Variants in PPP2R3C observed in about 807,000 individuals in gnomAD.
PPP2R3C encodes serine/threonine-protein phosphatase 2A regulatory subunit B'' subunit gamma.
In PPP2R3C, 47 loss-of-function variants were observed where a neutral mutation model predicts 63.7. The ratio of observed to expected loss-of-function variants is 0.74; its 90% CI spans 0.58 to 0.94. The LOEUF is 0.94. PPP2R3C is among the 40% of genes least tolerant of loss of function. The pLI is 0.00. For missense variants in PPP2R3C, 421 were observed against 518.4 expected, an observed-to-expected ratio of 0.81 and a Z score of 1.82; for synonymous variants, 180 against 177.4, an observed-to-expected ratio of 1.01 and a Z score of -0.12.
intron 1 of PPP2R3C, among the ~76,000 whole-genome samples, chr14:35,120,069 G>C (rs2046820622): frequency 1.3e-5 from 2 of 150,884 alleles, no homozygotes; most frequent in African/African-American, 4.9e-5. Context: ...TCAGTCTCCT[G>C]ACCTCGTGAT....
At chr14:35,114,258 G>T (rs2046644408) in intron 2 of PPP2R3C, among the ~76,000 whole-genome samples, 1 of 152,168 alleles carries the variant, frequency 6.6e-6, no homozygotes, top group Non-Finnish European at 1.5e-5. Flanking sequence ...GGGTGATGTT[G>T]TCATGGGAAG....
intron 2 of PPP2R3C, 86 bp from the exon 3 acceptor site, chr14:35,110,715 G>A: frequency 1.2e-6 from 1 of 812,960 alleles, no homozygotes; most frequent in Non-Finnish European, 2.0e-6. Flanking sequence ...ATAACTGTAT[G>A]CCACCGCCTC....
chr14:35,121,191 A>G (rs141607170), intron 1 of PPP2R3C, among the ~76,000 whole-genome samples: 61 of 152,262 alleles, frequency 4.0e-4, no homozygotes, highest in African/African-American at 1.3e-3. Flanking sequence ...AGCCTGGCCA[A>G]TATGGCGAAA....
chr14:35,113,584 A>G (rs763110967), intron 2 of PPP2R3C, among the ~76,000 whole-genome samples: 20 of 152,144 alleles, frequency 1.3e-4, no homozygotes, highest in Non-Finnish European at 2.5e-4. Flanking sequence ...CCACTATGGC[A>G]CTCTTTTCAT....
At position 35,096,584 on chromosome 14, in the gene PPP2R3C, G is replaced by C; in HGVS notation, c.812C>G (p.Ser271Cys). Reference protein sequence around the residue: ...SKESQETNWFSAPSALRVYGQ... With the variant: ...SKESQETNWFCAPSALRVYGQ... Reference sequence around the variant, plus strand: ...ATAAACTCTTAGGGCAGAAGGAGCAGAAAACCAATTTGTTTCTTGACTCTC... The same window carrying C: ...ATAAACTCTTAGGGCAGAAGGAGCACAAAACCAATTTGTTTCTTGACTCTC... Residue 271 changes from serine (S) to cysteine (C), a missense_variant, in exon 9 of 13, where the codon TCT (serine) becomes TGT (cysteine). Physicochemically the swap from Ser to Cys is moderately radical, Grantham distance 112. Transcript: ENST00000261475. The C allele has an allele frequency of 2.5e-6, 4 of 1,613,740 alleles. No individual in the cohort carries two copies. Among genetic ancestry groups the C allele is most frequent in the Non-Finnish European group, 3.4e-6 (4 of 1,179,804 alleles).
chr14:35,102,129 C>T (rs1008903238), intron 6 of PPP2R3C: 4 of 150,710 alleles, frequency 2.7e-5, no homozygotes, highest in Middle Eastern at 3.4e-3. Context: ...TGGGTTCAAG[C>T]GATTCTTGTG....
Position 35,121,842 on chromosome 14 carries a change from C to T in PPP2R3C, c.58+60G>A. 3 of 1,582,462 alleles carry T rather than the reference C, an allele frequency of 1.9e-6. No homozygotes were observed. In the South Asian group the frequency reaches 3.3e-5, roughly 18 times the overall value. On this transcript the variant is annotated intron_variant, in intron 1 of 12. Transcript: ENST00000261475. ...CCCTTGCTCCTCCTCCCCACCTCCCCCCTACCTCTAGGAGTTTAGGGCCGG... is the reference window on the plus strand; with the variant it reads ...CCCTTGCTCCTCCTCCCCACCTCCCTCCTACCTCTAGGAGTTTAGGGCCGG...
At chr14:35,093,045 C>T (rs1245237233) in intron 10 of PPP2R3C, among the ~76,000 whole-genome samples, 1 of 147,558 alleles carries the variant, frequency 6.8e-6, no homozygotes, top group African/African-American at 2.5e-5. Context: ...TCCGTCTCTA[C>T]TAAAAATACA....
chr14:35,109,804 T>C lies in PPP2R3C; in HGVS notation c.404+15A>G. 6.5e-7 allele frequency: 1 copy of C among 1,528,874 alleles called. No individual in the cohort carries two copies. Among genetic ancestry groups the C allele is most frequent in the Non-Finnish European group, 9.0e-7 (1 of 1,108,324 alleles). The allele number at this position is 1,528,874 out of a possible 1,614,324, so 94.7% of individuals were successfully genotyped here. A position where few individuals can be genotyped will look rare whatever the true frequency, so the allele number is the denominator to read the frequency against. On this transcript the variant is annotated intron_variant, in intron 4 of 12. Transcript: ENST00000261475. ...TTAACATAACACATTCTTTTGTTAA[T>C]TATATTATTCTTACTTGCACTTTGC...
rs746906727 is a variant in PPP2R3C at position 35,116,650 on chromosome 14, G to C, written c.146C>G (p.Thr49Arg). The C allele has an allele frequency of 6.2e-7, 1 of 1,601,134 alleles. No individual in the cohort carries two copies. Among genetic ancestry groups the C allele is most frequent in the Non-Finnish European group, 8.5e-7 (1 of 1,171,144 alleles). ...YSEWKGGRKN[T>R]NEFYKTIPRF... ...GGGAATGGTCTTATAGAATTCATTT[G>C]TGTTTTTTCTACCTCCTTTCCATTC... is the stretch of plus-strand genomic sequence containing the variant. The change falls in exon 2 of 13, where the codon ACA becomes AGA. Residue 49 changes from threonine to arginine, a missense_variant. Transcript: ENST00000261475.
rs2046916285 is a variant in PPP2R3C at position 35,121,918 on chromosome 14, G to A, written c.42C>T (p.Pro14=). ...AAAACTCACTGTTTGGACAGGTGTT[G>A]GGCGTCGCTAGGCGCCGACGAAGAA... ...KEVLRRRLAT[P]NTCPNKKKSE... Residue 14 remains proline, a synonymous_variant, in exon 1 of 13, where the codon CCC becomes CCT. Coordinates refer to ENST00000261475, the MANE Select transcript of PPP2R3C (RefSeq NM_017917.4). 2 of 1,614,128 alleles carry A rather than the reference G, an allele frequency of 1.2e-6. No individual in the cohort carries two copies. Among genetic ancestry groups the A allele is most frequent in the East Asian group, 4.5e-5 (2 of 44,866 alleles).
At chr14:35,107,435 G>C (rs2046400142) in intron 5 of PPP2R3C, 61 bp from the exon 6 acceptor site, 1 of 1,333,594 alleles carries the variant, frequency 7.5e-7, no homozygotes, top group Non-Finnish European at 1.1e-6. Flanking sequence ...TATGAAAAAG[G>C]AGATAAAGAG....
At chr14:35,108,923 T>C (rs1309898138) in intron 4 of PPP2R3C, among the ~76,000 whole-genome samples, 1 of 152,010 alleles carries the variant, frequency 6.6e-6, no homozygotes, top group Non-Finnish European at 1.5e-5. Context: ...GTCATAAATG[T>C]TTGCATTCTT....
chr14:35,116,959 C>G, intron 1 of PPP2R3C: 1 of 418,264 alleles, frequency 2.4e-6, no homozygotes, highest in South Asian at 2.0e-5. Flanking sequence ...ATTTCTCATG[C>G]TCCCTCTACT....
intron 2 of PPP2R3C, among the ~76,000 whole-genome samples, chr14:35,111,405 T>C (rs1260387199): frequency 6.6e-6 from 1 of 152,228 alleles, no homozygotes; most frequent in Non-Finnish European, 1.5e-5. Flanking sequence ...CAATCTGCCC[T>C]TGGTCATTCC....
At chr14:35,117,208 T>C (rs2138719019) in intron 1 of PPP2R3C, 1 of 454,986 alleles carries the variant, frequency 2.2e-6, no homozygotes, top group South Asian at 1.6e-5. Flanking sequence ...AAAAAACTCA[T>C]CCTCTGTCTG....
chr14:35,121,382 C>CA (rs201957173), intron 1 of PPP2R3C, among the ~76,000 whole-genome samples: 155 of 146,926 alleles, frequency 1.1e-3, no homozygotes, highest in African/African-American at 3.4e-3. Context: ...GACTCCGTCT[C>CA]AAAAAAAAAA....
Position 35,085,497 on chromosome 14 carries a change from T to G in PPP2R3C, c.*93A>C, listed in dbSNP as rs2045561055. Reference sequence around the variant, plus strand: ...TGTGTTCTCTAGGCATATCAAGTGTTTTATTTAGACCATTTCTGAGGATTT... The same window carrying G: ...TGTGTTCTCTAGGCATATCAAGTGTGTTATTTAGACCATTTCTGAGGATTT... On this transcript the variant is annotated 3_prime_UTR_variant, in exon 13 of 13. Transcript: ENST00000261475. The G allele has an allele frequency of 8.3e-7, 1 of 1,201,904 alleles. No individual in the cohort carries two copies. Among genetic ancestry groups the G allele is most frequent in the Non-Finnish European group, 1.1e-6 (1 of 883,714 alleles). 74.5% of individuals were successfully genotyped at this position (1,201,904 alleles called of 1,614,324 possible).
chr14:35,087,718 AAATG>A (rs1283424137), intron 12 of PPP2R3C: 2 of 469,774 alleles, frequency 4.3e-6, no homozygotes, highest in East Asian at 3.8e-5. Flanking sequence ...GTCTTAATTA[AAATG>A]AATGAATGCT....
Sources: allele counts gnomAD v4.1 joint callset (sites outside exome capture counted in the v4.1 genomes callset), GRCh38; gene constraint gnomAD v4.1.1; transcripts MANE v1.5; gene names NCBI Gene and HGNC (gene_info 2026-07-23, HGNC 2026-07-21).